Variants in KLHL7 observed in about 807,000 individuals in gnomAD.
The protein encoded by KLHL7 is kelch-like protein 7.
A neutral mutation model predicts 67.4 loss-of-function variants in KLHL7; 44 were observed. The ratio of observed to expected loss-of-function variants is 0.65; its 90% CI spans 0.51 to 0.84. The LOEUF is 0.84. Among genes scored for constraint, KLHL7 ranks in the 40% least tolerant of loss-of-function variants. The probability of loss-of-function intolerance (pLI) is 0.00; values close to 1 mark genes in which losing one functional copy is unlikely to be tolerated. For missense variants in KLHL7, 362 were observed against 718.1 expected (o/e 0.50, Z 5.67); for synonymous variants, 252 against 243.3 (o/e 1.04, Z -0.33).
At chr7:23,123,002 A>G (rs1783412505) in intron 1 of KLHL7, among the ~76,000 whole-genome samples, 1 of 152,146 alleles carries the variant, frequency 6.6e-6, no homozygotes, top group Non-Finnish European at 1.5e-5. Flanking sequence ...CAAAAAGGAC[A>G]TTTATTTTTC....
intron 4 of KLHL7, among the ~76,000 whole-genome samples, chr7:23,136,141 G>C (rs1783968271): frequency 6.6e-6 from 1 of 152,186 alleles, no homozygotes; most frequent in African/African-American, 2.4e-5. Flanking sequence ...AGAAAAGAAA[G>C]AGAATCAGAA....
In KLHL7 at chr7:23,146,478, G is replaced by T. The variant is rs138915152; in HGVS notation, c.793+2453G>T. 2.6e-5 allele frequency among the ~76,000 whole-genome samples: 4 copies of T among 152,262 alleles called. No individual in the cohort carries two copies. The East Asian group carries it at 7.7e-4, about 29-fold the overall frequency. On this transcript the variant is annotated intron_variant, in intron 6 of 10. Transcript: ENST00000339077. The stretch of plus-strand genomic sequence containing the variant: ...TGGGATAGCTTTCAAGAGAAGAGGA[G>T]AAAAAGGATCTTAAAATGGCCAAGT...
chr7:23,136,187 A>G (rs1300677139), intron 4 of KLHL7, among the ~76,000 whole-genome samples: 1 of 152,226 alleles, frequency 6.6e-6, no homozygotes, highest in African/African-American at 2.4e-5. Context: ...CAAAATTAGA[A>G]CATAATGTCA....
At chr7:23,157,673 T>C (rs1784747596) in intron 7 of KLHL7, among the ~76,000 whole-genome samples, 1 of 152,138 alleles carries the variant, frequency 6.6e-6, no homozygotes, top group Non-Finnish European at 1.5e-5. Context: ...TAAAATCAAC[T>C]TCACAGCCCC....
intron 4 of KLHL7, chr7:23,140,556 CA>C: frequency 3.5e-6 from 2 of 572,066 alleles, no homozygotes; most frequent in Admixed American, 2.6e-5. Flanking sequence ...GACTCCGTCT[CA>C]AAAAACAAAA....
chr7:23,126,266 C>T (rs1475129842), intron 4 of KLHL7, among the ~76,000 whole-genome samples: 1 of 152,186 alleles, frequency 6.6e-6, no homozygotes, highest in African/African-American at 2.4e-5. Flanking sequence ...CATCACACAA[C>T]TCAGAACAGC....
At chr7:23,138,622 C>T (rs1784070140) in intron 4 of KLHL7, among the ~76,000 whole-genome samples, 1 of 152,030 alleles carries the variant, frequency 6.6e-6, no homozygotes, top group African/African-American at 2.4e-5. Flanking sequence ...ACTGCAACCT[C>T]TGCCTCCCGG....
At chr7:23,146,776 T>A (rs887172524) in intron 6 of KLHL7, among the ~76,000 whole-genome samples, 13 of 151,990 alleles carry the variant, frequency 8.6e-5, no homozygotes, top group African/African-American at 3.1e-4. Context: ...TATTGAAAAA[T>A]TCATTTTTTC....
intron 4 of KLHL7, among the ~76,000 whole-genome samples, chr7:23,139,767 G>A (rs1223865285): frequency 2.6e-5 from 4 of 152,218 alleles, no homozygotes; most frequent in Non-Finnish European, 4.4e-5. Flanking sequence ...AAAATAATTT[G>A]TAGTTTTATA....
At chr7:23,159,575 AGGCTGGAGTACAGT>A (rs1354334160) in intron 7 of KLHL7, among the ~76,000 whole-genome samples, 1 of 152,124 alleles carries the variant, frequency 6.6e-6, no homozygotes, top group Non-Finnish European at 1.5e-5. Context: ...TCTGTTGCCC[AGGCTGGAGTACAGT>A]GGCGTGATCT....
chr7:23,145,118 G>T (rs1784315140), intron 6 of KLHL7, among the ~76,000 whole-genome samples: 1 of 151,984 alleles, frequency 6.6e-6, no homozygotes. Context: ...AAGAAAGAAA[G>T]ATAGTTAAAC....
In KLHL7 at chr7:23,143,205, T is replaced by C. The variant is rs1021264785; in HGVS notation, c.619-646T>C. On this transcript the variant is annotated intron_variant, in intron 5 of 10. Transcript: ENST00000339077. ...GGAGATGTGTGTGTATATGAAGCAATTGATTTTTTGGGGGGTGTTTAATGA... is the reference window on the plus strand; with the variant it reads ...GGAGATGTGTGTGTATATGAAGCAACTGATTTTTTGGGGGGTGTTTAATGA... 3.3e-5 allele frequency among the ~76,000 whole-genome samples: 5 copies of C among 152,262 alleles called. No individual in the cohort carries two copies. In the East Asian group the frequency reaches 9.6e-4, roughly 29 times the overall value.
At chr7:23,172,677 C>T (rs988476137) in intron 9 of KLHL7, 8 of 295,016 alleles carry the variant, frequency 2.7e-5, no homozygotes, top group Middle Eastern at 1.1e-3. Context: ...AAATGGATTT[C>T]CTCTAAAAAC....
At chr7:23,152,763 A>C (rs907648798) in intron 7 of KLHL7, among the ~76,000 whole-genome samples, 2 of 152,200 alleles carry the variant, frequency 1.3e-5, no homozygotes, top group African/African-American at 4.8e-5. Flanking sequence ...TAGGAATAAA[A>C]AAATTTTTAA....
At chr7:23,144,592 C>T (rs1389035546) in intron 6 of KLHL7, among the ~76,000 whole-genome samples, 3 of 152,142 alleles carry the variant, frequency 2.0e-5, no homozygotes, top group Non-Finnish European at 4.4e-5. Flanking sequence ...AGGCCTGAGG[C>T]ACAGTTCTTG....
intron 4 of KLHL7, chr7:23,126,005 A>G (rs1193078211): frequency 1.4e-6 from 1 of 724,154 alleles, no homozygotes; most frequent in African/African-American, 1.7e-5. Flanking sequence ...ATTAGACAGT[A>G]AAAGATTAAC....
chr7:23,175,660 A>G lies in KLHL7; in HGVS notation c.*1362A>G, dbSNP rs1439693182. 2 of 265,444 alleles carry G rather than the reference A, an allele frequency of 7.5e-6. No individual in the cohort carries two copies. Among genetic ancestry groups the G allele is most frequent in the Non-Finnish European group, 1.4e-5 (2 of 138,028 alleles). 16.4% of individuals were successfully genotyped at this position (265,444 alleles called of 1,614,324 possible). A position where few individuals can be genotyped will look rare whatever the true frequency, so the allele number is the denominator to read the frequency against. ...TAATTCACATACCATACAATTCACC[A>G]TTTAAAGTATACTATTCAGGCCAGG... is the stretch of plus-strand genomic sequence containing the variant. On this transcript the variant is annotated 3_prime_UTR_variant, in exon 11 of 11. Transcript: ENST00000339077.
chr7:23,134,851 G>A (rs999049418), intron 4 of KLHL7, among the ~76,000 whole-genome samples: 4 of 152,030 alleles, frequency 2.6e-5, no homozygotes. Context: ...CATTTTCTAA[G>A]TCTACCTAAA....
intron 1 of KLHL7, among the ~76,000 whole-genome samples, chr7:23,113,530 A>G (rs1317979860): frequency 6.6e-6 from 1 of 152,222 alleles, no homozygotes; most frequent in African/African-American, 2.4e-5. Flanking sequence ...ATCATTAAGT[A>G]TAATATTGAA....
Sources: gnomAD v4.1 joint callset for allele counts (sites outside exome capture counted in the v4.1 genomes callset) on GRCh38, gnomAD v4.1.1 for gene constraint, MANE v1.5 for transcripts, NCBI Gene and HGNC (gene_info 2026-07-23, HGNC 2026-07-21) for gene names.